Variants in CNTN5 observed in about 807,000 individuals in gnomAD.
The protein encoded by CNTN5 is contactin 5.
A neutral mutation model predicts 129.1 loss-of-function variants in CNTN5; 77 were observed. That is an observed-to-expected ratio of 0.60 (90% CI 0.50 to 0.72). The LOEUF (loss-of-function observed/expected upper bound fraction) is 0.72. CNTN5 is among the 30% of genes least tolerant of loss of function. The probability of loss-of-function intolerance (pLI) is 0.00; values close to 1 mark genes in which losing one functional copy is unlikely to be tolerated. For synonymous variants in CNTN5, 509 were observed against 465.6 expected, an observed-to-expected ratio of 1.09 and a Z score of -1.20; for missense variants, 1,478 against 1,328.8, an observed-to-expected ratio of 1.11 and a Z score of -1.75.
intron 9 of CNTN5, among the ~76,000 whole-genome samples, chr11:100,051,849 A>T (rs1241819728): frequency 6.6e-6 from 1 of 151,916 alleles, no homozygotes; most frequent in Non-Finnish European, 1.5e-5. Context: ...GGTCAAATAA[A>T]AAAGCTCCTT....
At chr11:99,444,119 A>G (rs1328886564) in intron 2 of CNTN5, among the ~76,000 whole-genome samples, 1 of 151,992 alleles carries the variant, frequency 6.6e-6, no homozygotes, top group Non-Finnish European at 1.5e-5. Context: ...GAATCACTTG[A>G]ACCCAGGGGG....
chr11:100,022,034 A>G (rs58697729), intron 9 of CNTN5, among the ~76,000 whole-genome samples: 3,848 of 152,190 alleles, frequency 0.025, 178 homozygotes, highest in African/African-American at 0.085. Flanking sequence ...TGCCCACCAC[A>G]TTGTGGGTAG....
intron 6 of CNTN5, among the ~76,000 whole-genome samples, chr11:99,874,846 A>AT (rs1237031050): frequency 1.3e-5 from 2 of 152,018 alleles, no homozygotes; most frequent in African/African-American, 4.8e-5. Context: ...TGGAAGCTCA[A>AT]TTTTTTTCCT....
chr11:100,186,558 T>C lies in CNTN5; in HGVS notation c.1581-4568T>C, dbSNP rs1032385651. ...AGAGACTGAGTAACTAGGTGCAAGG[T>C]GAGAAGCAAGACATCTCCAGGGCTA... On this transcript the variant is annotated intron_variant, in intron 13 of 24. Transcript: ENST00000524871. Among the ~76,000 whole-genome samples the C allele has an allele frequency of 1.3e-5, 2 of 152,000 alleles. 1 individual carries two copies. The highest frequency in any genetic ancestry group is 1.3e-4 in the Admixed American group (2 of 15,238).
intron 3 of CNTN5, among the ~76,000 whole-genome samples, chr11:99,752,092 C>T (rs1260539485): frequency 6.6e-6 from 1 of 152,088 alleles, no homozygotes; most frequent in African/African-American, 2.4e-5. Flanking sequence ...TTGTAAATTA[C>T]TCAGACTAAG....
intron 3 of CNTN5, among the ~76,000 whole-genome samples, chr11:99,648,063 C>T (rs1952030056): frequency 6.6e-6 from 1 of 151,826 alleles, no homozygotes; most frequent in Non-Finnish European, 1.5e-5. Flanking sequence ...GTGGGTTTAC[C>T]ACAGATAGCC....
At chr11:99,727,299 C>T (rs1279098581) in intron 3 of CNTN5, among the ~76,000 whole-genome samples, 1 of 40,742 alleles carries the variant, frequency 2.5e-5, no homozygotes, top group Non-Finnish European at 4.7e-5. Flanking sequence ...GGCGACAGAG[C>T]GAGACTCCGT....
At chr11:99,313,911 T>C (rs2135977644) in intron 1 of CNTN5, among the ~76,000 whole-genome samples, 1 of 152,086 alleles carries the variant, frequency 6.6e-6, no homozygotes, top group African/African-American at 2.4e-5. Flanking sequence ...AATTTACTGA[T>C]AAATGACATT....
intron 2 of CNTN5, among the ~76,000 whole-genome samples, chr11:99,402,280 C>T (rs1186959919): frequency 6.6e-6 from 1 of 151,970 alleles, no homozygotes; most frequent in African/African-American, 2.4e-5. Context: ...TAACATGAAG[C>T]GATATTGAAT....
chr11:99,915,712 G>A (rs1050488757), intron 6 of CNTN5, among the ~76,000 whole-genome samples: 1 of 152,138 alleles, frequency 6.6e-6, no homozygotes, highest in African/African-American at 2.4e-5. Flanking sequence ...CACTATGAGA[G>A]AATGGGCGTT....
chr11:99,694,870 C>A (rs2134817018), intron 3 of CNTN5, among the ~76,000 whole-genome samples: 1 of 152,170 alleles, frequency 6.6e-6, no homozygotes, highest in East Asian at 1.9e-4. Flanking sequence ...GTCTCAAAAC[C>A]ATTCTTCCTG....
At chr11:99,742,849 G>C (rs942180789) in intron 3 of CNTN5, among the ~76,000 whole-genome samples, 1 of 152,052 alleles carries the variant, frequency 6.6e-6, no homozygotes, top group South Asian at 2.1e-4. Flanking sequence ...GATATGTTGG[G>C]CATACTTCCA....
intron 1 of CNTN5, among the ~76,000 whole-genome samples, chr11:99,155,131 G>A (rs993948078): frequency 2.6e-4 from 40 of 152,102 alleles, no homozygotes; most frequent in Admixed American, 1.6e-3. Context: ...GCTTCCCCTG[G>A]AGTTGCAGGA....
At chr11:100,154,005 TCA>T (rs1947150888) in intron 13 of CNTN5, among the ~76,000 whole-genome samples, 1 of 152,112 alleles carries the variant, frequency 6.6e-6, no homozygotes, top group Non-Finnish European at 1.5e-5. Flanking sequence ...AGCAATTTTA[TCA>T]CATTTCTTTT....
intron 3 of CNTN5, among the ~76,000 whole-genome samples, chr11:99,566,148 C>G (rs1948998906): frequency 1.3e-5 from 2 of 152,056 alleles, no homozygotes; most frequent in South Asian, 4.1e-4. Flanking sequence ...TCCTGAATAG[C>G]TTGGTGCCCT....
chr11:99,668,223 G>A (rs1693794335), intron 3 of CNTN5, among the ~76,000 whole-genome samples: 1 of 152,120 alleles, frequency 6.6e-6, no homozygotes, highest in Non-Finnish European at 1.5e-5. Context: ...ACACAACTAG[G>A]CAGTGTCCAC....
intron 8 of CNTN5, among the ~76,000 whole-genome samples, chr11:99,998,059 G>C (rs903506215): frequency 3.3e-5 from 5 of 152,058 alleles, no homozygotes; most frequent in Non-Finnish European, 1.5e-5. Flanking sequence ...TACTGAATGG[G>C]CAAAAACTGG....
intron 1 of CNTN5, among the ~76,000 whole-genome samples, chr11:99,294,968 C>G (rs1864321057): frequency 6.6e-6 from 1 of 152,162 alleles, no homozygotes; most frequent in Non-Finnish European, 1.5e-5. Context: ...CTCTCAGTTA[C>G]CATCATTTTG....
chr11:99,250,530 A>C (rs966747718), intron 1 of CNTN5, among the ~76,000 whole-genome samples: 4 of 151,958 alleles, frequency 2.6e-5, no homozygotes, highest in African/African-American at 9.7e-5. Flanking sequence ...AATATTAAAA[A>C]TCTAAGGAAA....
Sources: gnomAD v4.1 joint callset for allele counts (sites outside exome capture counted in the v4.1 genomes callset) on GRCh38, gnomAD v4.1.1 for gene constraint, MANE v1.5 for transcripts, NCBI Gene and HGNC (gene_info 2026-07-23, HGNC 2026-07-21) for gene names.